SPDYE10: variants seen among roughly 807,000 people sequenced by gnomAD.
SPDYE10 encodes speedy/RINGO cell cycle regulator family member E10, also known as speedy protein E10.
At chr7:73,111,036 CA>C in the SPDYE10 span, 8 of 1,584,214 alleles carry the variant, frequency 5.0e-6, no homozygotes, top group Middle Eastern at 2.3e-4. Context: ...TCCTCAGGCT[CA>C]GGGGCGAGCT....
the SPDYE10 span, among the ~76,000 whole-genome samples, chr7:73,147,020 CAA>C: frequency 2.0e-5 from 1 of 51,278 alleles, no homozygotes; most frequent in Non-Finnish European, 3.4e-5. Flanking sequence ...TAAATTGTTT[CAA>C]AGTCCTGTGA....
the SPDYE10 span, among the ~76,000 whole-genome samples, chr7:73,149,675 TAGAC>T: frequency 1.3e-5 from 2 of 150,552 alleles, no homozygotes; most frequent in Admixed American, 1.3e-4. Flanking sequence ...TGCACTCAGT[TAGAC>T]AGTCAGATGC....
chr7:73,107,678 A>C, the SPDYE10 span, among the ~76,000 whole-genome samples: 1 of 64,460 alleles, frequency 1.6e-5, no homozygotes, highest in East Asian at 4.4e-4. Flanking sequence ...TGCCTTCTAC[A>C]GGCATCTAGT....
chr7:73,127,133 G>A, the SPDYE10 span, among the ~76,000 whole-genome samples: 1 of 51,368 alleles, frequency 1.9e-5, no homozygotes, highest in South Asian at 7.1e-4. Flanking sequence ...GTAGAGACAG[G>A]GTTTCTCCAT....
At chr7:73,149,479 G>A in the SPDYE10 span, among the ~76,000 whole-genome samples, 1 of 145,042 alleles carries the variant, frequency 6.9e-6, no homozygotes. Context: ...AGTAGAGACG[G>A]GGTTTCACCA....
the SPDYE10 span, among the ~76,000 whole-genome samples, chr7:73,137,458 G>A: frequency 6.7e-6 from 1 of 150,188 alleles, no homozygotes; most frequent in Non-Finnish European, 1.5e-5. Context: ...GAAGGCAGAG[G>A]TTGCAGTAAG....
the SPDYE10 span, among the ~76,000 whole-genome samples, chr7:73,141,111 C>G: frequency 2.8e-3 from 411 of 144,488 alleles, no homozygotes; most frequent in African/African-American, 9.9e-3. Context: ...CACACACACA[C>G]AGACAAAATT....
chr7:73,131,165 A>AC, the SPDYE10 span, among the ~76,000 whole-genome samples: 1 of 125,840 alleles, frequency 7.9e-6, no homozygotes, highest in Admixed American at 8.0e-5. Flanking sequence ...GCACCACCGC[A>AC]CCTCCAACCT....
At chr7:73,141,061 C>A in the SPDYE10 span, among the ~76,000 whole-genome samples, 2 of 134,144 alleles carry the variant, frequency 1.5e-5, no homozygotes, top group African/African-American at 5.4e-5. Flanking sequence ...TAGCAAGACT[C>A]CATTTCTACC....
At chr7:73,130,691 GT>G in the SPDYE10 span, among the ~76,000 whole-genome samples, 1 of 151,140 alleles carries the variant, frequency 6.6e-6, no homozygotes, top group Non-Finnish European at 1.5e-5. Context: ...CTGACCTCAA[GT>G]GATCTGCCTG....
At chr7:73,114,021 C>A in the SPDYE10 span, among the ~76,000 whole-genome samples, 1 of 113,478 alleles carries the variant, frequency 8.8e-6, no homozygotes, top group South Asian at 3.3e-4. Context: ...GAGTGAGACT[C>A]CGTCTCAAAA....
At chr7:73,121,015 A>G in the SPDYE10 span, among the ~76,000 whole-genome samples, 11 of 151,158 alleles carry the variant, frequency 7.3e-5, no homozygotes, top group Non-Finnish European at 5.9e-5. Flanking sequence ...GGGTTTCACC[A>G]TGTTGGCCAG....
At chr7:73,113,669 G>C in the SPDYE10 span, among the ~76,000 whole-genome samples, 1 of 151,914 alleles carries the variant, frequency 6.6e-6, no homozygotes, top group African/African-American at 2.4e-5. Context: ...CATAGCAGGT[G>C]GATCGCTTGA....
At chr7:73,114,426 C>T in the SPDYE10 span, among the ~76,000 whole-genome samples, 1 of 148,876 alleles carries the variant, frequency 6.7e-6, no homozygotes, top group South Asian at 2.1e-4. Context: ...CCCACCAGCA[C>T]ATATGAGAGA....
chr7:73,138,184 T>C, the SPDYE10 span, among the ~76,000 whole-genome samples: 2 of 151,880 alleles, frequency 1.3e-5, no homozygotes, highest in African/African-American at 2.4e-5. Flanking sequence ...AGGTCAACTC[T>C]GAGAATAGAA....
the SPDYE10 span, among the ~76,000 whole-genome samples, chr7:73,134,536 A>AG: frequency 2.0e-4 from 1 of 5,064 alleles, no homozygotes; most frequent in Admixed American, 2.4e-3. Flanking sequence ...AGAAAGAAAG[A>AG]AAAAGAAAGA....
chr7:73,147,799 TTTTGTTTG>T, the SPDYE10 span, among the ~76,000 whole-genome samples: 15 of 142,700 alleles, frequency 1.1e-4, no homozygotes, highest in East Asian at 6.0e-4. Flanking sequence ...CTGGCCTGTT[TTTTGTTTG>T]TTTGTTTGTT....
At chr7:73,114,510 T>C in the SPDYE10 span, among the ~76,000 whole-genome samples, 1 of 150,750 alleles carries the variant, frequency 6.6e-6, no homozygotes, top group African/African-American at 2.4e-5. Context: ...AATCAGATCA[T>C]GTCACTCTCC....
the SPDYE10 span, among the ~76,000 whole-genome samples, chr7:73,131,571 G>T: frequency 1.4e-5 from 2 of 147,150 alleles, no homozygotes; most frequent in Non-Finnish European, 3.0e-5. Flanking sequence ...TCTCACTCTT[G>T]TCACCCAGGC....
Sources: allele counts gnomAD v4.1 joint callset (sites outside exome capture counted in the v4.1 genomes callset), GRCh38; gene constraint gnomAD v4.1.1; transcripts MANE v1.5; gene names NCBI Gene and HGNC (gene_info 2026-07-23, HGNC 2026-07-21).